The following EDA variants were observed in gnomAD, a reference collection of about 807,000 sequenced individuals.
EDA encodes the protein ectodysplasin A.
In EDA, 2 loss-of-function variants were observed where a neutral mutation model predicts 23.6. That is an observed-to-expected ratio of 0.08 (90% CI 0.03 to 0.27). The LOEUF (loss-of-function observed/expected upper bound fraction) is 0.27, where lower values mean the gene tolerates loss of function less well. EDA is among the 10% of genes least tolerant of loss of function. The pLI is 1.00. For missense variants in EDA, 229 were observed against 324.2 expected (o/e 0.71, Z 2.26); for synonymous variants, 131 against 132.0 (o/e 0.99, Z 0.05).
chrX:69,812,747 T>G (rs1317367919), intron 1 of EDA, among the ~76,000 whole-genome samples: 1 of 111,788 alleles, frequency 8.9e-6, no homozygotes, highest in Non-Finnish European at 1.9e-5. Context: ...AACAACCATG[T>G]TAAAGTACTT....
chrX:69,727,176 G>A (rs970715809), intron 1 of EDA, among the ~76,000 whole-genome samples: 3 of 111,683 alleles, frequency 2.7e-5, no homozygotes, highest in Non-Finnish European at 3.8e-5. Flanking sequence ...TCCTCTCGAC[G>A]ACTTTCAGAT....
At chrX:69,910,372 AGAGTGTGTGTGTGT>A (rs1341583577) in intron 1 of EDA, among the ~76,000 whole-genome samples, 63 of 51,444 alleles carry the variant, frequency 1.2e-3, no homozygotes, top group Admixed American at 3.1e-3. Context: ...AGAGAGAGAG[AGAGTGTGTGTGTGT>A]GTGTGTGTGT....
At chrX:69,882,192 A>G (rs1569363689) in intron 1 of EDA, among the ~76,000 whole-genome samples, 1 of 111,899 alleles carries the variant, frequency 8.9e-6, no homozygotes, top group Non-Finnish European at 1.9e-5. Context: ...CTTAAGCCAT[A>G]CAGTCCTTCC....
intron 1 of EDA, among the ~76,000 whole-genome samples, chrX:69,631,188 C>T (rs923869164): frequency 1.8e-5 from 2 of 109,803 alleles, no homozygotes; most frequent in East Asian, 5.7e-4. Flanking sequence ...CGAGACCAGC[C>T]TGACCAACGT....
chrX:69,620,214 T>G lies in EDA; in HGVS notation c.396+3510T>G, dbSNP rs898258658. On this transcript the variant is annotated intron_variant, in intron 1 of 7. Transcript: ENST00000374552. ...TAAGTATTAGACACCTTTTAATGTT[T>G]GAAAAATTATTTTCAAGAGGAGGCA... Among the ~76,000 whole-genome samples the G allele has an allele frequency of 4.5e-5, 5 of 112,280 alleles. 1 individual carries two copies. The highest frequency in any genetic ancestry group is 5.6e-5 in the Non-Finnish European group (3 of 53,196).
chrX:69,716,637 A>T (rs1166494472), intron 1 of EDA, among the ~76,000 whole-genome samples: 1 of 111,158 alleles, frequency 9.0e-6, no homozygotes, highest in Non-Finnish European at 1.9e-5. Context: ...TAGGAATAGC[A>T]TTGAATCTCT....
intron 1 of EDA, among the ~76,000 whole-genome samples, chrX:69,730,588 C>T (rs148346853): frequency 0.016 from 1,765 of 111,831 alleles, 31 homozygotes; most frequent in African/African-American, 0.056. Flanking sequence ...CTCTCTGAGG[C>T]CTCATTTGAC....
chrX:69,622,616 A>AT (rs1196429418), intron 1 of EDA, among the ~76,000 whole-genome samples: 1 of 111,812 alleles, frequency 8.9e-6, no homozygotes, highest in African/African-American at 3.2e-5. Flanking sequence ...CTATTTTTGT[A>AT]TTTTTTATGT....
chrX:69,668,138 C>T (rs1442492915), intron 1 of EDA, among the ~76,000 whole-genome samples: 1 of 111,901 alleles, frequency 8.9e-6, no homozygotes, highest in African/African-American at 3.2e-5. Flanking sequence ...CCTTTTAGAA[C>T]TGATTTTGCC....
chrX:69,764,548 C>G (rs1163693539), intron 1 of EDA, among the ~76,000 whole-genome samples: 1 of 110,598 alleles, frequency 9.0e-6, no homozygotes, highest in East Asian at 2.8e-4. Flanking sequence ...CTGCCCGTTT[C>G]TTATTCTTGA....
chrX:70,034,801 G>C (rs1259679443), intron 7 of EDA, among the ~76,000 whole-genome samples: 1 of 111,973 alleles, frequency 8.9e-6, no homozygotes, highest in African/African-American at 3.2e-5. Context: ...GGAGGCCCAA[G>C]GGGCACTGTG....
chrX:69,943,267 C>T (rs1040813895), intron 1 of EDA, among the ~76,000 whole-genome samples: 8 of 111,146 alleles, frequency 7.2e-5, no homozygotes, highest in East Asian at 2.8e-4. Context: ...TGAACAGTTA[C>T]GTATTGACTA....
At chrX:69,678,997 T>C (rs1238298399) in intron 1 of EDA, among the ~76,000 whole-genome samples, 3 of 93,828 alleles carry the variant, frequency 3.2e-5, no homozygotes, top group African/African-American at 1.2e-4. Flanking sequence ...ATACGTCCCA[T>C]CAATACCTAA....
chrX:69,736,065 A>T (rs1262195361), intron 1 of EDA, among the ~76,000 whole-genome samples: 1 of 109,017 alleles, frequency 9.2e-6, no homozygotes, highest in East Asian at 2.9e-4. Flanking sequence ...CCAGCACTTC[A>T]AGAGGCTAAG....
At chrX:69,834,556 C>A (rs982650771) in intron 1 of EDA, among the ~76,000 whole-genome samples, 1 of 93,859 alleles carries the variant, frequency 1.1e-5, no homozygotes, top group Non-Finnish European at 2.1e-5. Flanking sequence ...TTTTGCTTTC[C>A]ATTTGCTTGG....
chrX:69,626,826 A>G (rs1314762022), intron 1 of EDA, among the ~76,000 whole-genome samples: 3 of 112,252 alleles, frequency 2.7e-5, no homozygotes, highest in Admixed American at 9.4e-5. Context: ...TACACTTAAA[A>G]TGGATGAATT....
chrX:69,958,781 C>G (rs1219361441), intron 2 of EDA, among the ~76,000 whole-genome samples: 1 of 111,115 alleles, frequency 9.0e-6, no homozygotes, highest in African/African-American at 3.3e-5. Flanking sequence ...AAGCATGGAC[C>G]CTTTCCTCTC....
At chrX:69,884,639 G>T (rs2017801283) in intron 1 of EDA, among the ~76,000 whole-genome samples, 1 of 111,990 alleles carries the variant, frequency 8.9e-6, no homozygotes, top group African/African-American at 3.2e-5. Flanking sequence ...GGTTTATCCA[G>T]GTTGTAGTGT....
At chrX:69,694,414 C>T (rs758843945) in intron 1 of EDA, among the ~76,000 whole-genome samples, 6 of 111,955 alleles carry the variant, frequency 5.4e-5, no homozygotes, top group East Asian at 5.6e-4. Context: ...TCTTGTTCTG[C>T]GTTTGGGTTA....
Sources: allele counts gnomAD v4.1 joint callset (sites outside exome capture counted in the v4.1 genomes callset), GRCh38; gene constraint gnomAD v4.1.1; transcripts MANE v1.5; gene names NCBI Gene and HGNC (gene_info 2026-07-23, HGNC 2026-07-21).